CABCOCO1: variants seen among roughly 807,000 people sequenced by gnomAD.
CABCOCO1 encodes ciliary-associated calcium-binding coiled-coil protein 1.
A neutral mutation model predicts 35.7 loss-of-function variants in CABCOCO1; 28 were observed. The observed-to-expected ratio is 0.78, with a 90% CI of 0.58 to 1.07. The LOEUF is 1.07. Among genes scored for constraint, CABCOCO1 ranks in the 50% least tolerant of loss-of-function variants. CABCOCO1 has a pLI of 0.00. For missense variants in CABCOCO1, 326 were observed against 309.2 expected (o/e 1.05, Z -0.41); for synonymous variants, 95 against 100.1 (o/e 0.95, Z 0.30).
chr10:61,701,724 T>A, intron 5 of CABCOCO1: 1 of 985,172 alleles, frequency 1.0e-6, no homozygotes, highest in Non-Finnish European at 1.2e-6. Context: ...GTAAACTGTA[T>A]CAGGTTCAGC....
At chr10:61,764,389 T>C (rs1450887519) in intron 7 of CABCOCO1, among the ~76,000 whole-genome samples, 1 of 152,020 alleles carries the variant, frequency 6.6e-6, no homozygotes. Context: ...ATCATAACAA[T>C]GAAAGATAAC....
chr10:61,694,528 T>C (rs1011371175), intron 5 of CABCOCO1, among the ~76,000 whole-genome samples: 4 of 151,850 alleles, frequency 2.6e-5, no homozygotes, highest in African/African-American at 9.7e-5. Context: ...TCCAATTTAT[T>C]AACAGATTCA....
chr10:61,734,417 T>C (rs1841369762), intron 5 of CABCOCO1, among the ~76,000 whole-genome samples: 1 of 151,984 alleles, frequency 6.6e-6, no homozygotes, highest in African/African-American at 2.4e-5. Context: ...CTGTTAACTA[T>C]TGAAAACCTG....
intron 5 of CABCOCO1, among the ~76,000 whole-genome samples, chr10:61,716,874 C>A (rs1427271451): frequency 7.1e-6 from 1 of 141,728 alleles, no homozygotes; most frequent in Non-Finnish European, 1.6e-5. Flanking sequence ...CTAGATATTT[C>A]TGAGATTGTT....
At chr10:61,740,055 A>T (rs1841515709) in intron 5 of CABCOCO1, among the ~76,000 whole-genome samples, 5 of 152,250 alleles carry the variant, frequency 3.3e-5, no homozygotes, top group Admixed American at 3.3e-4. Context: ...AGAGGATCTA[A>T]AAGAGAAGTT....
intron 5 of CABCOCO1, among the ~76,000 whole-genome samples, chr10:61,721,806 C>T (rs72823812): frequency 6.6e-4 from 100 of 152,206 alleles, no homozygotes; most frequent in Non-Finnish European, 1.2e-3. Context: ...TCAAATGCTA[C>T]GACAGATTTT....
intron 5 of CABCOCO1, among the ~76,000 whole-genome samples, chr10:61,754,591 A>G (rs1162127836): frequency 6.6e-6 from 1 of 152,150 alleles, no homozygotes; most frequent in African/African-American, 2.4e-5. Flanking sequence ...TTTTTAAAAA[A>G]TGATTATTTG....
chr10:61,748,981 G>A (rs1330660389), intron 5 of CABCOCO1, among the ~76,000 whole-genome samples: 2 of 152,110 alleles, frequency 1.3e-5, no homozygotes. Flanking sequence ...ACCCAGGTTT[G>A]ACTTTAAAAT....
chr10:61,677,645 T>A (rs541381400), intron 2 of CABCOCO1, among the ~76,000 whole-genome samples: 1 of 152,092 alleles, frequency 6.6e-6, no homozygotes, highest in East Asian at 1.9e-4. Context: ...GCTGCACCCA[T>A]TAACTCATCA....
intron 5 of CABCOCO1, among the ~76,000 whole-genome samples, chr10:61,692,046 C>T (rs1433627803): frequency 6.6e-6 from 1 of 152,114 alleles, no homozygotes; most frequent in African/African-American, 2.4e-5. Flanking sequence ...ATTTCTGGTT[C>T]TAGATCCTTG....
At chr10:61,712,496 C>G (rs1237368697) in intron 5 of CABCOCO1, among the ~76,000 whole-genome samples, 1 of 152,192 alleles carries the variant, frequency 6.6e-6, no homozygotes, top group East Asian at 1.9e-4. Context: ...CATGCAGAAG[C>G]ACTTTAGTTT....
chr10:61,696,874 A>G (rs1393948810), intron 5 of CABCOCO1, among the ~76,000 whole-genome samples: 2 of 152,124 alleles, frequency 1.3e-5, no homozygotes, highest in Non-Finnish European at 2.9e-5. Flanking sequence ...CAACGGAAAC[A>G]TGGGCAAAGA....
intron 5 of CABCOCO1, among the ~76,000 whole-genome samples, chr10:61,728,752 G>A (rs16916538): frequency 0.024 from 3,600 of 152,150 alleles, 147 homozygotes; most frequent in African/African-American, 0.083. Flanking sequence ...ATCCATCCAC[G>A]AGCCACCTTT....
At chr10:61,750,020 A>G (rs1454873657) in intron 5 of CABCOCO1, among the ~76,000 whole-genome samples, 1 of 149,332 alleles carries the variant, frequency 6.7e-6, no homozygotes, top group Non-Finnish European at 1.5e-5. Context: ...GGTGGCCAGC[A>G]CTGACCTTAG....
chr10:61,692,732 C>A (rs1437925521), intron 5 of CABCOCO1, among the ~76,000 whole-genome samples: 1 of 152,098 alleles, frequency 6.6e-6, no homozygotes, highest in African/African-American at 2.4e-5. Flanking sequence ...ACAAGGAACC[C>A]TTTTTGCTTC....
chr10:61,740,292 G>C (rs538352511), intron 5 of CABCOCO1, among the ~76,000 whole-genome samples: 16 of 152,212 alleles, frequency 1.1e-4, no homozygotes, highest in African/African-American at 3.6e-4. Context: ...ACAGCTTCTC[G>C]TACCATCCAC....
chr10:61,722,451 C>T (rs1030341803), intron 5 of CABCOCO1, among the ~76,000 whole-genome samples: 6 of 151,896 alleles, frequency 4.0e-5, no homozygotes, highest in Non-Finnish European at 7.4e-5. Context: ...AAATTAATTG[C>T]CAAACCTATG....
intron 5 of CABCOCO1, among the ~76,000 whole-genome samples, chr10:61,751,476 G>C (rs1014584078): frequency 1.3e-5 from 2 of 152,124 alleles, no homozygotes; most frequent in Non-Finnish European, 2.9e-5. Flanking sequence ...GCAAGGCTTT[G>C]AGTCCAGTAA....
chr10:61,667,050 ATATAT>A (rs956644814), intron 1 of CABCOCO1, among the ~76,000 whole-genome samples: 7 of 142,294 alleles, frequency 4.9e-5, no homozygotes, highest in African/African-American at 1.3e-4. Flanking sequence ...TATAAATTTC[ATATAT>A]TATATATAAA....
Sources: allele counts gnomAD v4.1 joint callset (sites outside exome capture counted in the v4.1 genomes callset), GRCh38; gene constraint gnomAD v4.1.1; transcripts MANE v1.5; gene names NCBI Gene and HGNC (gene_info 2026-07-23, HGNC 2026-07-21).